The following ZNF564 variants were observed in gnomAD, a reference collection of about 807,000 sequenced individuals.
ZNF564 encodes the protein zinc finger protein 564.
Under a neutral mutation model 10.5 loss-of-function variants are expected in ZNF564, and 5 were observed. The ratio of observed to expected loss-of-function variants is 0.48; its 90% CI spans 0.25 to 1.00. ZNF564 has a LOEUF of 1.00. Among genes scored for constraint, ZNF564 ranks in the 50% least tolerant of loss-of-function variants. The pLI, the probability that ZNF564 is intolerant of heterozygous loss-of-function variation, is 0.16. For synonymous variants in ZNF564, 242 were observed against 218.1 expected, an observed-to-expected ratio of 1.11 and a Z score of -0.97; for missense variants, 603 against 669.7, an observed-to-expected ratio of 0.90 and a Z score of 1.10.
At chr19:12,542,520 T>C (rs976444479) in intron 1 of ZNF564, among the ~76,000 whole-genome samples, 3 of 149,634 alleles carry the variant, frequency 2.0e-5, no homozygotes, top group Non-Finnish European at 4.5e-5. Flanking sequence ...ACTCAGGAGG[T>C]TGAGGCAGGA....
chr19:12,550,430 C>G (rs1413820310), intron 1 of ZNF564: 1 of 177,060 alleles, frequency 5.6e-6, no homozygotes, highest in African/African-American at 2.4e-5. Context: ...CGGAGGTGAG[C>G]GGATCACCTG....
At chr19:12,531,563 A>C (rs2021801876) in intron 1 of ZNF564, among the ~76,000 whole-genome samples, 1 of 151,460 alleles carries the variant, frequency 6.6e-6, no homozygotes, top group Admixed American at 6.6e-5. Context: ...CTCTGTCTCC[A>C]AAAAAAATAA....
chr19:12,537,601 G>C (rs1008334494), intron 1 of ZNF564, among the ~76,000 whole-genome samples: 2 of 152,056 alleles, frequency 1.3e-5, no homozygotes, highest in African/African-American at 4.8e-5. Flanking sequence ...AGCCAGGTGT[G>C]GTGGCGCATG....
At chr19:12,540,488 G>A (rs1360664897) in intron 1 of ZNF564, among the ~76,000 whole-genome samples, 1 of 152,154 alleles carries the variant, frequency 6.6e-6, no homozygotes, top group African/African-American at 2.4e-5. Flanking sequence ...GGGAGGCTGA[G>A]GCGGACAGAT....
chr19:12,544,130 T>G (rs2022109941), intron 1 of ZNF564, among the ~76,000 whole-genome samples: 1 of 152,172 alleles, frequency 6.6e-6, no homozygotes, highest in Non-Finnish European at 1.5e-5. Flanking sequence ...CCCAGGTGAC[T>G]AAGACAGTAC....
intron 1 of ZNF564, among the ~76,000 whole-genome samples, chr19:12,535,547 C>T (rs1382023626): frequency 1.3e-5 from 2 of 152,046 alleles, no homozygotes. Context: ...AATGTGTAAA[C>T]TATAGGTGAT....
intron 1 of ZNF564, among the ~76,000 whole-genome samples, chr19:12,540,722 C>G (rs530365689): frequency 2.0e-5 from 3 of 151,904 alleles, no homozygotes. Flanking sequence ...GGCGTGGTGG[C>G]GGGCGCCTGT....
At chr19:12,539,941 A>G (rs531591933) in intron 1 of ZNF564, among the ~76,000 whole-genome samples, 108 of 151,710 alleles carry the variant, frequency 7.1e-4, no homozygotes, top group African/African-American at 2.5e-3. Flanking sequence ...AGATCGCGCC[A>G]CTGCACTCCA....
At position 12,527,802 on chromosome 19, in the gene ZNF564, T is replaced by C. The variant is rs747398514; in HGVS notation, c.306A>G (p.Pro102=). ...CTTTCCCACACAAACTACATTCACA[T>C]GGTCTTACTATAGTAGGAATTTTCT... ...LNKKIPTIVR[P]CECSLCGKVF... is the part of the protein sequence containing the mutation. The change falls in exon 4 of 4, where the codon CCA becomes CCG. Residue 102 remains proline (P), a synonymous_variant. Transcript: ENST00000339282. 1.9e-6 allele frequency: 3 copies of C among 1,614,160 alleles called. No individual in the cohort carries two copies. The highest frequency in any genetic ancestry group is 2.5e-6 in the Non-Finnish European group (3 of 1,180,030).
chr19:12,549,778 T>G (rs527893834), intron 1 of ZNF564, among the ~76,000 whole-genome samples: 43 of 152,278 alleles, frequency 2.8e-4, no homozygotes, highest in African/African-American at 9.4e-4. Flanking sequence ...TAAGCTGTCC[T>G]CTGGGAGGAG....
intron 1 of ZNF564, among the ~76,000 whole-genome samples, chr19:12,534,903 C>T (rs1325719965): frequency 6.6e-6 from 1 of 152,110 alleles, no homozygotes; most frequent in African/African-American, 2.4e-5. Context: ...CATGTTCACA[C>T]AAAAACCTGT....
chr19:12,548,711 CATT>C (rs1361933441), intron 1 of ZNF564: 13 of 689,334 alleles, frequency 1.9e-5, no homozygotes, highest in Non-Finnish European at 2.6e-5. Flanking sequence ...AGAGACCTCA[CATT>C]ATTGTTACTT....
Position 12,528,550 on chromosome 19 carries a change from A to AGGAATGAT in ZNF564, c.130+12_130+19dup, listed in dbSNP as rs1477310621. 6.2e-7 allele frequency: 1 copy of AGGAATGAT among 1,609,102 alleles called. No individual in the cohort carries two copies. The highest frequency in any genetic ancestry group is 8.5e-7 in the Non-Finnish European group (1 of 1,178,950). On this transcript the variant is annotated intron_variant, in intron 2 of 3. Coordinates refer to ENST00000339282, the MANE Select transcript of ZNF564 (RefSeq NM_144976.4). ...ACTTCTTCTCTAACTGACTAAAAGA[A>AGGAATGAT]GGAATGATGTCATCCTTACCTACAC...
At chr19:12,547,811 C>CTTT (rs553349695) in intron 1 of ZNF564, among the ~76,000 whole-genome samples, 1 of 139,942 alleles carries the variant, frequency 7.1e-6, no homozygotes, top group Non-Finnish European at 1.6e-5. Flanking sequence ...TATTCACTTA[C>CTTT]TTTTTTTTTT....
At chr19:12,531,464 G>A (rs549223815) in intron 1 of ZNF564, among the ~76,000 whole-genome samples, 4 of 152,184 alleles carry the variant, frequency 2.6e-5, no homozygotes, top group African/African-American at 9.6e-5. Flanking sequence ...CTACCTGGGA[G>A]GCCGAGGCAG....
chr19:12,533,435 G>T (rs2021846364), intron 1 of ZNF564, among the ~76,000 whole-genome samples: 1 of 152,294 alleles, frequency 6.6e-6, no homozygotes, highest in African/African-American at 2.4e-5. Flanking sequence ...TCATCTAAGA[G>T]TCTACTTCGG....
rs180908478 is a variant in ZNF564 at position 12,545,123 on chromosome 19, G to A, written c.3+6207C>T. ...TAAAAATACAAAAAATTAGCTGGGC[G>A]TGGTGGCGCATGCCTATAATCCCAG... On this transcript the variant is annotated intron_variant, in intron 1 of 3. Transcript: ENST00000339282. 7.2e-3 allele frequency among the ~76,000 whole-genome samples: 1,100 copies of A among 152,148 alleles called. 7 individuals carry two copies. Among genetic ancestry groups the A allele is most frequent in the Middle Eastern group, 0.031 (9 of 294 alleles).
At position 12,527,499 on chromosome 19, in the gene ZNF564, C is replaced by T. The variant is rs1347733266; in HGVS notation, c.609G>A (p.Gly203=). 1 of 1,612,690 alleles carries T rather than the reference C, an allele frequency of 6.2e-7. No homozygotes were observed. The highest frequency in any genetic ancestry group is 1.1e-5 in the South Asian group (1 of 90,908). ...ATAAACTTGGGCGATCAAAGGCTTT[C>T]CCACATTCCTGACATTTATATGGTC... ...GDGPYKCQEC[G]KAFDRPSLFQ... is the part of the protein sequence containing the mutation. Residue 203 remains glycine (G), a synonymous_variant, in exon 4 of 4, where the codon GGG becomes GGA. Transcript: ENST00000339282.
intron 1 of ZNF564, among the ~76,000 whole-genome samples, chr19:12,533,718 T>C (rs1161174444): frequency 9.3e-6 from 1 of 107,956 alleles, no homozygotes; most frequent in Non-Finnish European, 1.7e-5. Flanking sequence ...CACAGCAGGC[T>C]GCTGTCTCCA....
Sources: allele counts gnomAD v4.1 joint callset (sites outside exome capture counted in the v4.1 genomes callset), GRCh38; gene constraint gnomAD v4.1.1; transcripts MANE v1.5; gene names NCBI Gene and HGNC (gene_info 2026-07-23, HGNC 2026-07-21).